The following SLC6A6 variants were observed in gnomAD, a reference collection of about 807,000 sequenced individuals.
SLC6A6 encodes solute carrier family 6 member 6.
A neutral mutation model predicts 68.8 loss-of-function variants in SLC6A6; 16 were observed. The observed-to-expected ratio is 0.23, with a 90% CI of 0.16 to 0.35. SLC6A6 has a LOEUF of 0.35. Among genes scored for constraint, SLC6A6 ranks in the 10% least tolerant of loss-of-function variants. The probability of loss-of-function intolerance (pLI) is 1.00; values close to 1 mark genes in which losing one functional copy is unlikely to be tolerated. For missense variants in SLC6A6, 474 were observed against 802.8 expected (o/e 0.59, Z 4.95); for synonymous variants, 312 against 315.4 (o/e 0.99, Z 0.12).
chr3:14,414,125 TTC>T (rs997999763), intron 1 of SLC6A6, among the ~76,000 whole-genome samples: 3 of 152,212 alleles, frequency 2.0e-5, no homozygotes, highest in African/African-American at 7.2e-5. Context: ...CTCAGTTTCC[TTC>T]TCTCTGTCTC....
At chr3:14,449,686 T>TAG (rs1700212066) in intron 5 of SLC6A6, among the ~76,000 whole-genome samples, 1 of 152,218 alleles carries the variant, frequency 6.6e-6, no homozygotes, top group South Asian at 2.1e-4. Context: ...CCCAAGGTTG[T>TAG]AGGATGGCCC....
chr3:14,440,847 GGT>G lies in SLC6A6; in HGVS notation c.-11-2775_-11-2774del, dbSNP rs533658785. ...TGACTGCAGCCCCCACAGGTGGAGA[GGT>G]GGGTGCACCTTAGAAATGAGGAGTT... On this transcript the variant is annotated intron_variant, in intron 2 of 14. Coordinates refer to ENST00000622186, the MANE Select transcript of SLC6A6 (RefSeq NM_003043.6). 1.4e-3 allele frequency among the ~76,000 whole-genome samples: 214 copies of G among 152,190 alleles called. 1 individual carries two copies. The highest frequency in any genetic ancestry group is 5.0e-3 in the African/African-American group (209 of 41,528).
chr3:14,419,626 G>C (rs1699442726), intron 2 of SLC6A6, among the ~76,000 whole-genome samples: 1 of 152,138 alleles, frequency 6.6e-6, no homozygotes, highest in African/African-American at 2.4e-5. Flanking sequence ...CCCTGAAATG[G>C]AGCAATAGTG....
intron 1 of SLC6A6, among the ~76,000 whole-genome samples, chr3:14,411,611 T>G (rs1699253803): frequency 6.6e-6 from 1 of 152,208 alleles, no homozygotes; most frequent in African/African-American, 2.4e-5. Flanking sequence ...AGGGGAGGGA[T>G]GGATGCTCCA....
chr3:14,455,673 T>C lies in SLC6A6; in HGVS notation c.600-2277T>C, dbSNP rs1205351391. ...GATGGTGGAAAGGTGCTCTTCCTCC[T>C]CTCCTGGTGCTGCCCATTCACAAGG... On this transcript the variant is annotated intron_variant, in intron 5 of 14. Coordinates refer to ENST00000622186, the MANE Select transcript of SLC6A6 (RefSeq NM_003043.6). Among the ~76,000 whole-genome samples the C allele has an allele frequency of 4.6e-5, 7 of 151,702 alleles. No homozygotes were observed. In the East Asian group the frequency reaches 1.3e-3, roughly 29 times the overall value.
At position 14,468,271 on chromosome 3, in the gene SLC6A6, A is replaced by G; in HGVS notation, c.1096+59A>G. 3.3e-6 allele frequency: 5 copies of G among 1,526,914 alleles called. No individual in the cohort carries two copies. Among genetic ancestry groups the G allele is most frequent in the Admixed American group, 2.1e-5 (1 of 47,390 alleles). 94.6% of individuals were successfully genotyped at this position (1,526,914 alleles called of 1,614,324 possible). On this transcript the variant is annotated intron_variant, in intron 9 of 14. Coordinates refer to ENST00000622186, the MANE Select transcript of SLC6A6 (RefSeq NM_003043.6). This position sits in a 1 kb window ranked among gnomAD's most constrained non-coding sequence, Gnocchi z 4.5. ...CTGCCACCTAGTGTGTAAGCCAAGTACTGCAGGCATGAAGCCAGACCCCAG... is the reference window on the plus strand; with the variant it reads ...CTGCCACCTAGTGTGTAAGCCAAGTGCTGCAGGCATGAAGCCAGACCCCAG...
At chr3:14,409,960 G>A (rs1267925474) in intron 1 of SLC6A6, among the ~76,000 whole-genome samples, 1 of 152,184 alleles carries the variant, frequency 6.6e-6, no homozygotes, top group Non-Finnish European at 1.5e-5. Flanking sequence ...GGCCCAGGCG[G>A]GCGGATCACG....
At chr3:14,409,055 G>C (rs375677835) in intron 1 of SLC6A6, among the ~76,000 whole-genome samples, 1 of 152,152 alleles carries the variant, frequency 6.6e-6, no homozygotes, top group Non-Finnish European at 1.5e-5. Context: ...TGATCTGCCC[G>C]CCTCGGCCTC....
chr3:14,413,213 C>T (rs1699289113), intron 1 of SLC6A6, among the ~76,000 whole-genome samples: 1 of 152,324 alleles, frequency 6.6e-6, no homozygotes, highest in African/African-American at 2.4e-5. Flanking sequence ...CCTGCTGGAG[C>T]CCAAGGAAGC....
At position 14,468,496 on chromosome 3, in the gene SLC6A6, G is replaced by A. The variant is rs1164488237; in HGVS notation, c.1096+284G>A. 1.3e-5 allele frequency among the ~76,000 whole-genome samples: 2 copies of A among 151,120 alleles called. No individual in the cohort carries two copies. The highest frequency in any genetic ancestry group is 6.6e-5 in the Admixed American group (1 of 15,184). Reference sequence around the variant, plus strand: ...TTAGTGTGGTCTTCCCCGCCCCCCCGTCCTTCCCCAGCAAACTCCTGGTTT... The same window carrying A: ...TTAGTGTGGTCTTCCCCGCCCCCCCATCCTTCCCCAGCAAACTCCTGGTTT... On this transcript the variant is annotated intron_variant, in intron 9 of 14. Transcript: ENST00000622186. The surrounding 1 kb of genome is among the most constrained non-coding windows in gnomAD (Gnocchi z 4.5).
intron 5 of SLC6A6, among the ~76,000 whole-genome samples, chr3:14,453,915 C>T (rs1310305517): frequency 1.3e-5 from 2 of 152,120 alleles, no homozygotes; most frequent in Admixed American, 1.3e-4. Flanking sequence ...AGGGAATGGC[C>T]CAGATAGCAG....
chr3:14,483,249 C>A (rs1701051426), intron 14 of SLC6A6, among the ~76,000 whole-genome samples: 1 of 152,214 alleles, frequency 6.6e-6, no homozygotes, highest in Admixed American at 6.5e-5. Context: ...GTACCCCGTC[C>A]TCCTGTGCCA....
At chr3:14,467,545 A>G (rs1574957831) in intron 7 of SLC6A6, among the ~76,000 whole-genome samples, 1 of 152,318 alleles carries the variant, frequency 6.6e-6, no homozygotes, top group South Asian at 2.1e-4. Flanking sequence ...AAAACTATCT[A>G]TAAACTGCAG....
chr3:14,446,398 G>A (rs553787979), intron 4 of SLC6A6, among the ~76,000 whole-genome samples: 113 of 152,274 alleles, frequency 7.4e-4, no homozygotes, highest in African/African-American at 1.3e-3. Context: ...AGCAACAGAC[G>A]CTGGGGACTC....
chr3:14,476,005 C>A (rs1334126451), intron 10 of SLC6A6, among the ~76,000 whole-genome samples: 1 of 152,178 alleles, frequency 6.6e-6, no homozygotes, highest in East Asian at 1.9e-4. Flanking sequence ...GGTTAGATTT[C>A]TCTGGTAGGA....
rs1043219586 is a variant in SLC6A6 at position 14,437,292 on chromosome 3, C to G, written c.-11-6332C>G. Among the ~76,000 whole-genome samples the G allele has an allele frequency of 3.9e-5, 6 of 152,140 alleles. No individual in the cohort carries two copies. The East Asian group carries it at 5.8e-4, about 15-fold the overall frequency. On this transcript the variant is annotated intron_variant, in intron 2 of 14. Transcript: ENST00000622186. ...TTTTTTTTGGAGACAGGGTCTCGCT[C>G]TGTCACCCAGGCTGGAGTGCAGTGG...
intron 5 of SLC6A6, among the ~76,000 whole-genome samples, chr3:14,454,176 G>A (rs1313317949): frequency 1.1e-4 from 17 of 152,328 alleles, no homozygotes. Flanking sequence ...CATAGGTATT[G>A]ATAGATTCCC....
chr3:14,441,815 C>T lies in SLC6A6; in HGVS notation c.-11-1809C>T, dbSNP rs560456195. Among the ~76,000 whole-genome samples the T allele has an allele frequency of 3.9e-5, 6 of 152,372 alleles. No individual in the cohort carries two copies. In the East Asian group the frequency reaches 1.2e-3, roughly 29 times the overall value. Reference sequence around the variant, plus strand: ...AGGGTTTGCAGTTGTCACCAGCTGCCTGTGGATGCCACTCTGGGATCCACC... The same window carrying T: ...AGGGTTTGCAGTTGTCACCAGCTGCTTGTGGATGCCACTCTGGGATCCACC... On this transcript the variant is annotated intron_variant, in intron 2 of 14. Transcript: ENST00000622186.
Position 14,402,803 on chromosome 3 carries a change from C to A in SLC6A6, c.-98C>A. 1 of 397,904 alleles carries A rather than the reference C, an allele frequency of 2.5e-6. No homozygotes were observed. Among genetic ancestry groups the A allele is most frequent in the Non-Finnish European group, 4.4e-6 (1 of 225,560 alleles). 24.6% of individuals were successfully genotyped at this position (397,904 alleles called of 1,614,324 possible). The stretch of plus-strand genomic sequence containing the variant: ...GCAGGCAGCCCCCGGCCGGCGGAAC[C>A]CGGCACAGCCGAGCAGAGCGCGGGC... On this transcript the variant is annotated 5_prime_UTR_variant, in exon 1 of 15. Coordinates refer to ENST00000622186, the MANE Select transcript of SLC6A6 (RefSeq NM_003043.6). This position sits in a 1 kb window ranked among gnomAD's most constrained non-coding sequence, Gnocchi z 4.8.
Sources: allele counts gnomAD v4.1 joint callset (sites outside exome capture counted in the v4.1 genomes callset), GRCh38; gene constraint gnomAD v4.1.1; non-coding constraint Gnocchi (gnomAD v3.1); transcripts MANE v1.5; gene names NCBI Gene and HGNC (gene_info 2026-07-23, HGNC 2026-07-21).